PRRC1: variants seen among roughly 807,000 people sequenced by gnomAD.
The protein encoded by PRRC1 is protein PRRC1.
Under a neutral mutation model 40.7 loss-of-function variants are expected in PRRC1, and 39 were observed. That is an observed-to-expected ratio of 0.96 (90% CI 0.74 to 1.25). PRRC1 has a LOEUF of 1.25. PRRC1 is among the 50% of genes most tolerant of loss of function. The probability of loss-of-function intolerance (pLI) is 0.00; values close to 1 mark genes in which losing one functional copy is unlikely to be tolerated. For missense variants in PRRC1, 573 were observed against 548.3 expected (o/e 1.05, Z -0.45); for synonymous variants, 175 against 193.3 (o/e 0.91, Z 0.79).
At chr5:127,546,498 C>T (rs1240693388) in intron 7 of PRRC1, among the ~76,000 whole-genome samples, 1 of 152,114 alleles carries the variant, frequency 6.6e-6, no homozygotes, top group Non-Finnish European at 1.5e-5. Flanking sequence ...ACTCTAGAGT[C>T]TTTAAGTGAT....
At position 127,526,775 on chromosome 5, in the gene PRRC1, T is replaced by G; in HGVS notation, c.651T>G (p.Ile217Met). ...EASAGGIWGF[I>M]KGVAGNPMVK... ...CTGCTGGTGGAATCTGGGGTTTTAT[T>G]AAGGTAAGACGTGTTTAAAAATTAT... The change falls in exon 4 of 9, where the codon ATT becomes ATG. Residue 217 changes from isoleucine (I) to methionine (M), a missense_variant. Coordinates refer to ENST00000296666, the MANE Select transcript of PRRC1 (RefSeq NM_130809.5). 1 of 1,603,370 alleles carries G rather than the reference T, an allele frequency of 6.2e-7. No homozygotes were observed. Among genetic ancestry groups the G allele is most frequent in the Non-Finnish European group, 8.5e-7 (1 of 1,175,044 alleles).
At position 127,553,923 on chromosome 5, in the gene PRRC1, T is replaced by C. The variant is rs1461319807; in HGVS notation, c.*2007T>C. On this transcript the variant is annotated 3_prime_UTR_variant, in exon 9 of 9. Transcript: ENST00000296666. ...GAACCGTGTGAGTGGGTGAGGAAGA[T>C]GAGAGATGGTCAGATGGAAGAGAGA... 5 of 1,534,496 alleles carry C rather than the reference T, an allele frequency of 3.3e-6. No individual in the cohort carries two copies. The highest frequency in any genetic ancestry group is 4.4e-6 in the Non-Finnish European group (5 of 1,145,978).
chr5:127,533,359 A>C (rs2127100925), intron 5 of PRRC1, among the ~76,000 whole-genome samples: 1 of 152,284 alleles, frequency 6.6e-6, no homozygotes, highest in Admixed American at 6.5e-5. Flanking sequence ...ACACTTCACA[A>C]GCCAGATATG....
chr5:127,550,338 A>G (rs1275777996), intron 8 of PRRC1: 2 of 152,132 alleles, frequency 1.3e-5, no homozygotes, highest in Non-Finnish European at 2.9e-5. Context: ...TCATTCTAAA[A>G]TGTTTTATGC....
In PRRC1 at chr5:127,533,620, T is replaced by C; in HGVS notation, c.758-3T>C. 6.2e-7 allele frequency: 1 copy of C among 1,604,496 alleles called. No homozygotes were observed. Among genetic ancestry groups the C allele is most frequent in the East Asian group, 2.2e-5 (1 of 44,856 alleles). ...AAGTTAAATTTTCCTCTGGTCTTTT[T>C]AGAATCTGGAGGTGAACTGGATATT... On this transcript the variant is annotated splice_polypyrimidine_tract_variant and splice_region_variant and intron_variant, in intron 5 of 8. Transcript: ENST00000296666.
intron 6 of PRRC1, among the ~76,000 whole-genome samples, chr5:127,535,843 C>T (rs973195276): frequency 6.6e-6 from 1 of 151,990 alleles, no homozygotes; most frequent in Non-Finnish European, 1.5e-5. Context: ...AAACACAAAC[C>T]CACACTGACA....
chr5:127,534,585 G>A (rs1433698608), intron 6 of PRRC1, among the ~76,000 whole-genome samples: 1 of 152,064 alleles, frequency 6.6e-6, no homozygotes, highest in African/African-American at 2.4e-5. Flanking sequence ...CCACACTTTA[G>A]TTTTTCCCTC....
chr5:127,544,337 C>G (rs1176204674), intron 7 of PRRC1, among the ~76,000 whole-genome samples: 1 of 152,204 alleles, frequency 6.6e-6, no homozygotes, highest in Non-Finnish European at 1.5e-5. Flanking sequence ...GGTCAGGGGC[C>G]CACTTGAGGA....
rs199998747 is a variant in PRRC1 at position 127,526,630 on chromosome 5, C to T, written c.506C>T (p.Thr169Ile). The change falls in exon 4 of 9, where the codon ACT (threonine) becomes ATT (isoleucine). Residue 169 changes from threonine to isoleucine, a missense_variant. Transcript: ENST00000296666. ...SAPSGTGLLP[T>I]PITQQASLTS... ...TGCCATTGATTAGGTCTTTTGCCAACTCCTATTACTCAGCAAGCCAGTTTG... is the reference window on the plus strand; with the variant it reads ...TGCCATTGATTAGGTCTTTTGCCAATTCCTATTACTCAGCAAGCCAGTTTG... 1 of 1,607,328 alleles carries T rather than the reference C, an allele frequency of 6.2e-7. No individual in the cohort carries two copies. The highest frequency in any genetic ancestry group is 1.3e-5 in the African/African-American group (1 of 74,772).
In PRRC1 at chr5:127,528,440, A is replaced by C. The variant is rs555935972; in HGVS notation, c.654+1662A>C. ...AGCAATTCTCCTACCTCAGCCTCCCAAGTAGCTGGGATTACAGGCATCTGC... is the reference window on the plus strand; with the variant it reads ...AGCAATTCTCCTACCTCAGCCTCCCCAGTAGCTGGGATTACAGGCATCTGC... On this transcript the variant is annotated intron_variant, in intron 4 of 8. Transcript: ENST00000296666. 7.2e-5 allele frequency among the ~76,000 whole-genome samples: 11 copies of C among 151,956 alleles called. 1 individual carries two copies. The South Asian group carries it at 1.5e-3, about 20-fold the overall frequency.
At chr5:127,530,064 C>T (rs1767726290) in intron 4 of PRRC1, among the ~76,000 whole-genome samples, 1 of 151,818 alleles carries the variant, frequency 6.6e-6, no homozygotes, top group Admixed American at 6.6e-5. Context: ...CTACTCAAAG[C>T]GTGATCTGTA....
intron 2 of PRRC1, chr5:127,523,892 T>C: frequency 4.8e-6 from 1 of 207,496 alleles, no homozygotes. Flanking sequence ...TTTCTTTTTT[T>C]TGAGACGGAG....
At position 127,547,554 on chromosome 5, in the gene PRRC1, CCCTT is replaced by C; in HGVS notation, c.1026-262_1026-259del. On this transcript the variant is annotated intron_variant, in intron 7 of 8. Coordinates refer to ENST00000296666, the MANE Select transcript of PRRC1 (RefSeq NM_130809.5). Reference sequence around the variant, plus strand: ...TGAGTACCCTTACTTTGATTATTCTCCCTTCCCATGGAGAGGAAGCTTTCCATGA... The same window carrying C: ...TGAGTACCCTTACTTTGATTATTCTCCCCATGGAGAGGAAGCTTTCCATGA... Among the ~76,000 whole-genome samples the C allele has an allele frequency of 2.0e-5, 3 of 152,140 alleles. No individual in the cohort carries two copies. The South Asian group carries it at 6.2e-4, about 32-fold the overall frequency.
chr5:127,530,230 A>G (rs1334901182), intron 4 of PRRC1, 64 bp from the exon 5 acceptor site: 6 of 1,440,608 alleles, frequency 4.2e-6, no homozygotes, highest in Non-Finnish European at 5.8e-6. Flanking sequence ...TTTCTTCACA[A>G]TCATGAAGAT....
intron 7 of PRRC1, among the ~76,000 whole-genome samples, chr5:127,542,292 A>G (rs1333680554): frequency 6.6e-6 from 1 of 152,022 alleles, no homozygotes; most frequent in Admixed American, 6.6e-5. Context: ...CTTTACTTCC[A>G]AGTATGTGGT....
intron 8 of PRRC1, 108 bp from the exon 9 acceptor site, chr5:127,551,599 A>C: frequency 8.5e-7 from 1 of 1,173,260 alleles, no homozygotes; most frequent in East Asian, 2.6e-5. Context: ...AGAGTTTGTC[A>C]TAATCTATAT....
At chr5:127,534,357 C>G (rs966150781) in intron 6 of PRRC1, among the ~76,000 whole-genome samples, 1 of 152,082 alleles carries the variant, frequency 6.6e-6, no homozygotes, top group Non-Finnish European at 1.5e-5. Flanking sequence ...ATTTTGCTTC[C>G]TTTTGCAGCT....
chr5:127,524,997 A>T, intron 3 of PRRC1, 77 bp downstream of exon 3: 1 of 1,366,426 alleles, frequency 7.3e-7, no homozygotes, highest in Non-Finnish European at 9.9e-7. Context: ...AGCTTTGTTG[A>T]GATATAATTT....
At chr5:127,528,180 T>C (rs1767674325) in intron 4 of PRRC1, among the ~76,000 whole-genome samples, 1 of 152,230 alleles carries the variant, frequency 6.6e-6, no homozygotes, top group South Asian at 2.1e-4. Flanking sequence ...AGAATACTTT[T>C]CTATATGCTC....
Sources: allele counts gnomAD v4.1 joint callset (sites outside exome capture counted in the v4.1 genomes callset), GRCh38; gene constraint gnomAD v4.1.1; transcripts MANE v1.5; gene names NCBI Gene and HGNC (gene_info 2026-07-23, HGNC 2026-07-21).